ASIP: variants seen among roughly 807,000 people sequenced by gnomAD.
ASIP encodes agouti signaling protein.
In ASIP, 11 loss-of-function variants were observed where a neutral mutation model predicts 10.3. The ratio of observed to expected loss-of-function variants is 1.07; its 90% CI spans 0.68 to 1.78. ASIP has a LOEUF of 1.78. Ranked by LOEUF, ASIP falls within the 40% of genes most tolerant of loss-of-function variation. The pLI is 0.00. For missense variants in ASIP, 180 were observed against 169.2 expected, an observed-to-expected ratio of 1.06 and a Z score of -0.35; for synonymous variants, 70 against 70.8, an observed-to-expected ratio of 0.99 and a Z score of 0.06.
intron 1 of ASIP, chr20:34,194,826 A>G (rs1286584656): frequency 1.3e-5 from 2 of 152,172 alleles, no homozygotes; most frequent in African/African-American, 4.8e-5. Flanking sequence ...GTACAGTACA[A>G]TATCTATGCT....
At chr20:34,187,377 T>C in the ASIP span, among the ~76,000 whole-genome samples, 1 of 152,200 alleles carries the variant, frequency 6.6e-6, no homozygotes, top group South Asian at 2.1e-4. Flanking sequence ...TTTCAACTTG[T>C]CTTTTCCTTT....
chr20:34,234,926 C>T (rs926345405), intron 1 of ASIP: 5 of 151,946 alleles, frequency 3.3e-5, no homozygotes, highest in African/African-American at 1.2e-4. Context: ...ACATTATTTT[C>T]TCTCGCATTT....
intron 1 of ASIP, among the ~76,000 whole-genome samples, chr20:34,247,117 C>G (rs2122621218): frequency 6.6e-6 from 1 of 152,124 alleles, no homozygotes; most frequent in South Asian, 2.1e-4. Flanking sequence ...CTCATGCTTT[C>G]AAGTAGCTGG....
intron 1 of ASIP, chr20:34,213,442 G>C: frequency 2.0e-6 from 2 of 985,666 alleles, no homozygotes; most frequent in Non-Finnish European, 3.0e-6. Context: ...CTTTGGAATT[G>C]AGTCATAGGT....
At chr20:34,253,428 C>G (rs1364029101) in intron 1 of ASIP, among the ~76,000 whole-genome samples, 1 of 136,364 alleles carries the variant, frequency 7.3e-6, no homozygotes. Flanking sequence ...CTTTTCCCTA[C>G]GCTCTTATTT....
chr20:34,196,534 C>T (rs1370857406), intron 1 of ASIP, among the ~76,000 whole-genome samples: 1 of 151,914 alleles, frequency 6.6e-6, no homozygotes, highest in African/African-American at 2.4e-5. Flanking sequence ...GGAGGAGATG[C>T]GGGCGGGACG....
chr20:34,203,032 T>C (rs1252661568), intron 1 of ASIP, among the ~76,000 whole-genome samples: 1 of 152,030 alleles, frequency 6.6e-6, no homozygotes, highest in South Asian at 2.1e-4. Flanking sequence ...ATGGTGTCAA[T>C]CTCCTGACCT....
chr20:34,260,339 C>T, intron 1 of ASIP, 26 bp from the exon 2 acceptor site: 1 of 1,599,212 alleles, frequency 6.3e-7, no homozygotes, highest in Non-Finnish European at 8.5e-7. Context: ...ACCCACCCAC[C>T]TGACCACCTT....
At chr20:34,253,928 AAGG>A (rs1399502481) in intron 1 of ASIP, among the ~76,000 whole-genome samples, 4 of 152,230 alleles carry the variant, frequency 2.6e-5, no homozygotes, top group Non-Finnish European at 4.4e-5. Context: ...ATGAATTTAA[AAGG>A]AGAACTGTCA....
upstream of ASIP, among the ~76,000 whole-genome samples, chr20:34,239,841 G>A (rs980954064): frequency 1.3e-5 from 2 of 152,152 alleles, no homozygotes; most frequent in Admixed American, 1.3e-4. Flanking sequence ...CCATCACCAC[G>A]AAAACAGACA....
rs200525186 is a variant in ASIP, at chr20:34,202,079, T to TAA, written c.-11+7333_-11+7334dup. Among the ~76,000 whole-genome samples, 339 of 139,536 alleles carry TAA rather than the reference T, an allele frequency of 2.4e-3. 2 individuals are homozygous for TAA. In the East Asian group the frequency reaches 0.032, roughly 13 times the overall value. 91.5% of individuals were successfully genotyped at this position (139,536 alleles called of 152,430 possible). ...CTTGATTAAAATAATGATAAAATTG[T>TAA]AAAAAAAAAAAAAAAGATTAGTGCC... On this transcript the variant is annotated intron_variant, in intron 1 of 3. Transcript: ENST00000568305.
intron 1 of ASIP, among the ~76,000 whole-genome samples, chr20:34,223,165 T>C (rs1311972041): frequency 6.8e-6 from 1 of 146,936 alleles, no homozygotes. Context: ...CTGGCCGCCA[T>C]CCCATCTAGG....
chr20:34,211,525 A>T (rs918699779), intron 1 of ASIP, among the ~76,000 whole-genome samples: 4 of 152,150 alleles, frequency 2.6e-5, no homozygotes, highest in Non-Finnish European at 4.4e-5. Context: ...TTGTGCTTCC[A>T]TTGAGATTAC....
At chr20:34,214,660 T>A in intron 1 of ASIP, 1 of 1,080,054 alleles carries the variant, frequency 9.3e-7, no homozygotes, top group Admixed American at 1.7e-5. Context: ...TTTTCTATAT[T>A]CTACAAACAT....
chr20:34,261,848 C>T (rs1041158151), intron 2 of ASIP, among the ~76,000 whole-genome samples: 6 of 152,062 alleles, frequency 3.9e-5, no homozygotes, highest in Non-Finnish European at 7.4e-5. Context: ...CGCGGTGGCT[C>T]ACACCTCTAA....
intron 1 of ASIP, chr20:34,214,907 C>G: frequency 6.6e-7 from 1 of 1,524,600 alleles, no homozygotes. Context: ...TGTAGTGCCT[C>G]TTGAGCATTC....
chr20:34,235,866 AAAGG>A (rs551494077), intron 1 of ASIP, among the ~76,000 whole-genome samples: 5,174 of 36,256 alleles, frequency 0.14, 629 homozygotes, highest in Middle Eastern at 0.16. Context: ...GGAAGGAAGG[AAAGG>A]AAGGAAGGAA....
At chr20:34,194,300 C>CATCTTTTA (rs1400945805), upstream of ASIP, among the ~76,000 whole-genome samples, 2 of 152,142 alleles carry the variant, frequency 1.3e-5, no homozygotes, top group Non-Finnish European at 2.9e-5. Context: ...TTCATCTTTT[C>CATCTTTTA]ATCTTTTAAT....
upstream of ASIP, among the ~76,000 whole-genome samples, chr20:34,237,297 T>C (rs1473715017): frequency 2.6e-5 from 4 of 152,208 alleles, no homozygotes; most frequent in African/African-American, 9.7e-5. Flanking sequence ...TGTTAGGAAT[T>C]GTATTGAATC....
Sources: gnomAD v4.1 joint callset for allele counts (sites outside exome capture counted in the v4.1 genomes callset) on GRCh38, gnomAD v4.1.1 for gene constraint, MANE v1.5 for transcripts, NCBI Gene and HGNC (gene_info 2026-07-23, HGNC 2026-07-21) for gene names.